Variants in RNF220 observed in about 807,000 individuals in gnomAD.
RNF220 encodes the protein E3 ubiquitin-protein ligase RNF220.
RNF220 carries 7 observed loss-of-function variants against 67.1 expected under a neutral mutation model. The ratio of observed to expected loss-of-function variants is 0.10; its 90% CI spans 0.06 to 0.20. The LOEUF (loss-of-function observed/expected upper bound fraction) is 0.20, where lower values mean the gene tolerates loss of function less well. Ranked by LOEUF, RNF220 falls within the 10% of genes least tolerant of loss-of-function variation. The pLI, the probability that RNF220 is intolerant of heterozygous loss-of-function variation, is 1.00. For synonymous variants in RNF220, 270 were observed against 283.2 expected (o/e 0.95, Z 0.47); for missense variants, 565 against 740.3 (o/e 0.76, Z 2.75).
intron 2 of RNF220, among the ~76,000 whole-genome samples, chr1:44,538,112 T>C (rs1661376820): frequency 6.6e-6 from 1 of 152,272 alleles, no homozygotes; most frequent in African/African-American, 2.4e-5. Flanking sequence ...TATAAATGTG[T>C]TAGTCATGCT....
rs1306820977 is a variant in RNF220 at position 44,502,869 on chromosome 1, G to A, written c.625+90147G>A. Among the ~76,000 whole-genome samples the A allele has an allele frequency of 7.2e-5, 11 of 152,172 alleles. No homozygotes were observed. In the East Asian group the frequency reaches 1.7e-3, roughly 24 times the overall value. On this transcript the variant is annotated intron_variant, in intron 2 of 14. Coordinates refer to ENST00000361799, the MANE Select transcript of RNF220 (RefSeq NM_018150.4). ...CAGCCTTGACTTCCTGTGCTCAAGC[G>A]ATCCTCCTGCTTCAGCCTCTCCAGT...
At chr1:44,601,030 A>T (rs1666885201) in intron 2 of RNF220, among the ~76,000 whole-genome samples, 2 of 152,206 alleles carry the variant, frequency 1.3e-5, no homozygotes, top group Admixed American at 1.3e-4. Context: ...ACAATTGTAC[A>T]AGTATGTTAT....
chr1:44,443,344 A>G (rs1401858390), intron 2 of RNF220, among the ~76,000 whole-genome samples: 1 of 152,234 alleles, frequency 6.6e-6, no homozygotes, highest in African/African-American at 2.4e-5. Flanking sequence ...AATTCTGCTT[A>G]ATAAATACCT....
At chr1:44,576,819 G>A (rs1159386840) in intron 2 of RNF220, among the ~76,000 whole-genome samples, 1 of 152,148 alleles carries the variant, frequency 6.6e-6, no homozygotes, top group Non-Finnish European at 1.5e-5. Context: ...CTGTGGGTCT[G>A]GTTGGGCTGG....
At chr1:44,592,425 A>G (rs1666183431) in intron 2 of RNF220, among the ~76,000 whole-genome samples, 1 of 151,900 alleles carries the variant, frequency 6.6e-6, no homozygotes, top group Non-Finnish European at 1.5e-5. Context: ...CCCCCTACGC[A>G]GCTGCCTTCC....
intron 2 of RNF220, among the ~76,000 whole-genome samples, chr1:44,489,648 C>G (rs146912402): frequency 4.8e-4 from 73 of 152,292 alleles, no homozygotes; most frequent in African/African-American, 1.8e-3. Flanking sequence ...GTCTTTTTCT[C>G]GAAATCTCAG....
intron 2 of RNF220, among the ~76,000 whole-genome samples, chr1:44,498,864 G>A (rs1433961892): frequency 2.0e-5 from 3 of 152,240 alleles, no homozygotes; most frequent in Non-Finnish European, 2.9e-5. Context: ...TCAGATAATC[G>A]TTTTCAATAT....
chr1:44,634,059 G>A (rs1190546724), intron 6 of RNF220, among the ~76,000 whole-genome samples: 1 of 152,220 alleles, frequency 6.6e-6, no homozygotes, highest in African/African-American at 2.4e-5. Flanking sequence ...CCCAGTTCTG[G>A]CAGGATGGTA....
At chr1:44,544,245 A>G (rs1356766553) in intron 2 of RNF220, among the ~76,000 whole-genome samples, 2 of 152,234 alleles carry the variant, frequency 1.3e-5, no homozygotes, top group African/African-American at 4.8e-5. Context: ...CCCCAGAACC[A>G]TCTGAGCCAA....
chr1:44,518,512 T>A (rs16832028), intron 2 of RNF220, among the ~76,000 whole-genome samples: 20,463 of 151,974 alleles, frequency 0.13, 2,078 homozygotes, highest in East Asian at 0.46. Flanking sequence ...TGGGGGAAAA[T>A]CCAACACAGG....
chr1:44,557,613 T>C (rs925877935), intron 2 of RNF220, among the ~76,000 whole-genome samples: 1 of 152,234 alleles, frequency 6.6e-6, no homozygotes, highest in Non-Finnish European at 1.5e-5. Flanking sequence ...GGGATGTACA[T>C]GACTGTGTCT....
In RNF220 at chr1:44,405,341, G is replaced by A. The variant is rs1647234540; in HGVS notation, c.-307G>A. On this transcript the variant is annotated 5_prime_UTR_variant, in exon 1 of 15. Coordinates refer to ENST00000361799, the MANE Select transcript of RNF220 (RefSeq NM_018150.4). ...CTCTTGATCTGTACATGCAATCCCA[G>A]GCAGCTCGCGAACACAAACCCGGGG... 8.7e-6 allele frequency: 5 copies of A among 576,652 alleles called. No homozygotes were observed. The South Asian group carries it at 1.0e-4, about 11-fold the overall frequency. 35.7% of individuals were successfully genotyped at this position (576,652 alleles called of 1,614,324 possible). A position where few individuals can be genotyped will look rare whatever the true frequency, so the allele number is the denominator to read the frequency against.
At chr1:44,636,855 A>G (rs1238990127) in intron 8 of RNF220, among the ~76,000 whole-genome samples, 1 of 152,218 alleles carries the variant, frequency 6.6e-6, no homozygotes, top group African/African-American at 2.4e-5. Context: ...GCTCCTTGGA[A>G]GAGCAAGGCT....
intron 2 of RNF220, among the ~76,000 whole-genome samples, chr1:44,433,589 T>C (rs1280880461): frequency 1.3e-5 from 2 of 152,254 alleles, no homozygotes; most frequent in African/African-American, 2.4e-5. Context: ...AAATAAACTG[T>C]GAACTGCAGG....
chr1:44,464,340 G>T (rs1205552603), intron 2 of RNF220, among the ~76,000 whole-genome samples: 3 of 152,198 alleles, frequency 2.0e-5, no homozygotes, highest in Non-Finnish European at 4.4e-5. Context: ...GCTGCCAGAG[G>T]CATGTTCTTC....
chr1:44,460,172 G>C (rs150437064), intron 2 of RNF220, among the ~76,000 whole-genome samples: 1 of 152,334 alleles, frequency 6.6e-6, no homozygotes, highest in African/African-American at 2.4e-5. Flanking sequence ...AGCTCTTTCA[G>C]GTCATTGGTT....
intron 1 of RNF220, among the ~76,000 whole-genome samples, chr1:44,411,390 ATG>A (rs56204407): frequency 0.059 from 8,900 of 151,708 alleles, 278 homozygotes; most frequent in Middle Eastern, 0.12. Flanking sequence ...ATACATGAAG[ATG>A]TGTGTGTGTG....
intron 2 of RNF220, among the ~76,000 whole-genome samples, chr1:44,551,602 A>G (rs1194449908): frequency 6.6e-6 from 1 of 152,236 alleles, no homozygotes; most frequent in African/African-American, 2.4e-5. Flanking sequence ...TCTCATCATC[A>G]ATGAATGATT....
chr1:44,494,908 G>T (rs1348776381), intron 2 of RNF220, among the ~76,000 whole-genome samples: 1 of 152,152 alleles, frequency 6.6e-6, no homozygotes, highest in Non-Finnish European at 1.5e-5. Flanking sequence ...TGGGAGTAAT[G>T]AATAGCACCA....
Sources: gnomAD v4.1 joint callset for allele counts (sites outside exome capture counted in the v4.1 genomes callset) on GRCh38, gnomAD v4.1.1 for gene constraint, MANE v1.5 for transcripts, NCBI Gene and HGNC (gene_info 2026-07-23, HGNC 2026-07-21) for gene names.